The following HPSE2 variants were observed in gnomAD, a reference collection of about 807,000 sequenced individuals.
HPSE2 encodes heparanase 2 (inactive), also known as inactive heparanase-2.
HPSE2 carries 38 observed loss-of-function variants against 60.5 expected under a neutral mutation model. The observed-to-expected ratio is 0.63, with a 90% CI of 0.48 to 0.82. The LOEUF (loss-of-function observed/expected upper bound fraction) is 0.82, where lower values mean the gene tolerates loss of function less well. Among genes scored for constraint, HPSE2 ranks in the 40% least tolerant of loss-of-function variants. The pLI is 0.00. For missense variants in HPSE2, 713 were observed against 740.4 expected (o/e 0.96, Z 0.43); for synonymous variants, 295 against 293.2 (o/e 1.01, Z -0.06).
chr10:99,019,243 G>T (rs945116403), intron 3 of HPSE2, among the ~76,000 whole-genome samples: 1 of 152,108 alleles, frequency 6.6e-6, no homozygotes, highest in African/African-American at 2.4e-5. Context: ...CTGCTTGCTG[G>T]GCCATGTGAT....
At chr10:98,685,767 A>G (rs1947899641) in intron 6 of HPSE2, among the ~76,000 whole-genome samples, 1 of 152,214 alleles carries the variant, frequency 6.6e-6, no homozygotes, top group Non-Finnish European at 1.5e-5. Context: ...GTAAATAACT[A>G]GAAGTGGAAC....
At chr10:99,234,211 C>T (rs1222067893) in intron 1 of HPSE2, among the ~76,000 whole-genome samples, 2 of 152,192 alleles carry the variant, frequency 1.3e-5, no homozygotes, top group Admixed American at 6.5e-5. Context: ...ACCGAAACGG[C>T]CTCGGCAAGG....
chr10:98,735,412 G>A (rs1949332043), intron 4 of HPSE2, among the ~76,000 whole-genome samples: 1 of 150,924 alleles, frequency 6.6e-6, no homozygotes, highest in Middle Eastern at 3.2e-3. Context: ...CAGGGGTGAA[G>A]CCCTCACAAA....
intron 3 of HPSE2, among the ~76,000 whole-genome samples, chr10:98,867,295 A>G (rs1256590755): frequency 1.5e-5 from 2 of 134,796 alleles, no homozygotes; most frequent in Non-Finnish European, 3.1e-5. Context: ...ACTCTATAGG[A>G]AAAAAAAAAA....
chr10:99,280,685 C>A, the HPSE2 span, among the ~76,000 whole-genome samples: 1 of 152,154 alleles, frequency 6.6e-6, no homozygotes, highest in South Asian at 2.1e-4. Context: ...CTCTCACTTC[C>A]TGCCACCTAG....
At chr10:98,983,071 G>T (rs895381171) in intron 3 of HPSE2, among the ~76,000 whole-genome samples, 1 of 152,198 alleles carries the variant, frequency 6.6e-6, no homozygotes, top group Non-Finnish European at 1.5e-5. Flanking sequence ...TAAACCAGCA[G>T]TCCCCAACCT....
At chr10:98,507,684 T>C (rs1254487764) in intron 9 of HPSE2, among the ~76,000 whole-genome samples, 1 of 152,166 alleles carries the variant, frequency 6.6e-6, no homozygotes, top group African/African-American at 2.4e-5. Flanking sequence ...ATCCTTATCA[T>C]GTCCTTATGT....
chr10:98,462,590 C>T (rs983283413), intron 11 of HPSE2, among the ~76,000 whole-genome samples: 14 of 152,218 alleles, frequency 9.2e-5, no homozygotes, highest in African/African-American at 3.4e-4. Flanking sequence ...TCAAAACCCT[C>T]TCTCCCCTTG....
Position 98,614,605 on chromosome 10 carries a change from C to T in HPSE2, c.1320+299G>A, listed in dbSNP as rs113321956. ...CCGTGCCCGGCCTGGATTGTTAAAA[C>T]AATAGTAATAAATATACAAATATAT... On this transcript the variant is annotated intron_variant, in intron 9 of 11. Coordinates refer to ENST00000370552, the MANE Select transcript of HPSE2 (RefSeq NM_021828.5). Among the ~76,000 whole-genome samples, 9,523 of 151,852 alleles carry T rather than the reference C, an allele frequency of 0.063. 1,022 individuals carry two copies. Among genetic ancestry groups the T allele is most frequent in the African/African-American group, 0.22 (9,020 of 41,334 alleles).
chr10:99,135,589 C>A (rs1845615083), intron 3 of HPSE2, among the ~76,000 whole-genome samples: 1 of 152,080 alleles, frequency 6.6e-6, no homozygotes, highest in African/African-American at 2.4e-5. Context: ...ACAACCTGCT[C>A]CTGAATGACT....
At chr10:98,461,054 T>C (rs891913157) in intron 11 of HPSE2, among the ~76,000 whole-genome samples, 17 of 152,264 alleles carry the variant, frequency 1.1e-4, no homozygotes, top group African/African-American at 2.9e-4. Context: ...AACATTGCCG[T>C]GACATCATCT....
At chr10:98,580,330 A>G (rs1457955210) in intron 9 of HPSE2, among the ~76,000 whole-genome samples, 1 of 144,830 alleles carries the variant, frequency 6.9e-6, no homozygotes, top group Admixed American at 7.2e-5. Flanking sequence ...ATTTTCTTGC[A>G]TTATTTCCTT....
rs918474110 is a variant in HPSE2 at position 99,126,700 on chromosome 10, A to G, written c.610+17538T>C. ...GCATAATCCATCATTCAAGAAAGCCAGCACACTAAACATAGCTACAACTAA... is the reference window on the plus strand; with the variant it reads ...GCATAATCCATCATTCAAGAAAGCCGGCACACTAAACATAGCTACAACTAA... On this transcript the variant is annotated intron_variant, in intron 3 of 11. Coordinates refer to ENST00000370552, the MANE Select transcript of HPSE2 (RefSeq NM_021828.5). This position sits in a 1 kb window ranked among gnomAD's most constrained non-coding sequence, Gnocchi z 4.0. Among the ~76,000 whole-genome samples, 2 of 152,206 alleles carry G rather than the reference A, an allele frequency of 1.3e-5. No individual in the cohort carries two copies. Among genetic ancestry groups the G allele is most frequent in the African/African-American group, 4.8e-5 (2 of 41,454 alleles).
At chr10:99,077,564 CTGTG>C (rs774888675) in intron 3 of HPSE2, among the ~76,000 whole-genome samples, 1 of 151,444 alleles carries the variant, frequency 6.6e-6, no homozygotes, top group African/African-American at 2.4e-5. Context: ...TTGTTTGGGG[CTGTG>C]TGTGAGTGTA....
chr10:99,287,582 C>A, the HPSE2 span, among the ~76,000 whole-genome samples: 1 of 152,158 alleles, frequency 6.6e-6, no homozygotes, highest in Non-Finnish European at 1.5e-5. Flanking sequence ...CATCTGGAGT[C>A]ATCCAGCTAT....
chr10:98,755,786 AG>A (rs1158136018), intron 3 of HPSE2, among the ~76,000 whole-genome samples: 1 of 152,138 alleles, frequency 6.6e-6, no homozygotes, highest in Admixed American at 6.5e-5. Flanking sequence ...TCACGATGTC[AG>A]GAGATCGAGA....
Position 99,216,096 on chromosome 10 carries a change from A to C in HPSE2, c.448+16252T>G, listed in dbSNP as rs371479472. ...GTTTGTCATGCATGTAATTGATGAG[A>C]ATAACCTGGTCCTTTAATCTCAAAA... is the stretch of plus-strand genomic sequence containing the variant. On this transcript the variant is annotated intron_variant, in intron 2 of 11. Transcript: ENST00000370552. 2.6e-5 allele frequency among the ~76,000 whole-genome samples: 4 copies of C among 152,176 alleles called. No homozygotes were observed. The East Asian group carries it at 7.7e-4, about 29-fold the overall frequency.
intron 3 of HPSE2, among the ~76,000 whole-genome samples, chr10:98,771,762 G>A (rs908077644): frequency 6.6e-6 from 1 of 152,184 alleles, no homozygotes; most frequent in African/African-American, 2.4e-5. Context: ...ATGGATCCCA[G>A]TGGATGGGGC....
intron 9 of HPSE2, among the ~76,000 whole-genome samples, chr10:98,508,951 G>A (rs988052102): frequency 6.6e-6 from 1 of 152,190 alleles, no homozygotes; most frequent in Admixed American, 6.5e-5. Context: ...AGAGAAAACG[G>A]CATTATTCAA....
Sources: allele counts gnomAD v4.1 joint callset (sites outside exome capture counted in the v4.1 genomes callset), GRCh38; gene constraint gnomAD v4.1.1; non-coding constraint Gnocchi (gnomAD v3.1); transcripts MANE v1.5; gene names NCBI Gene and HGNC (gene_info 2026-07-23, HGNC 2026-07-21).